APOL2: variants seen among roughly 807,000 people sequenced by gnomAD.
APOL2 encodes the protein apolipoprotein L, 2.
APOL2 carries 8 observed loss-of-function variants against 7.1 expected under a neutral mutation model. The observed-to-expected ratio is 1.12, with a 90% CI of 0.66 to 2.03. APOL2 has a LOEUF of 2.03. APOL2 is among the 30% of genes most tolerant of loss of function. APOL2 has a pLI of 0.00. For synonymous variants in APOL2, 177 were observed against 159.9 expected (o/e 1.11, Z -0.81); for missense variants, 471 against 415.1 (o/e 1.13, Z -1.17).
Position 36,227,795 on chromosome 22 carries a change from G to A in APOL2, c.623C>T (p.Thr208Ile), listed in dbSNP as rs374610829. Residue 208 changes from threonine (T) to isoleucine (I), a missense_variant, in exon 5 of 5, where the codon ACC becomes ATC. By Grantham distance (89) the Thr-to-Ile change is moderately conservative. Transcript: ENST00000358502. ...GACTTGGTACCAATTGTCAACTAAG[G>A]TAAGAACATTGGGTGTGTTCCCACC... ...FVGGNTPNVL[T>I]LVDNWYQVTQ... The A allele has an allele frequency of 5.0e-6, 8 of 1,614,100 alleles. No homozygotes were observed. The African/African-American group carries it at 5.3e-5, about 11-fold the overall frequency.
chr22:36,230,310 G>A (rs764049783), intron 4 of APOL2, among the ~76,000 whole-genome samples: 13 of 152,188 alleles, frequency 8.5e-5, no homozygotes, highest in African/African-American at 1.2e-4. Context: ...AGGTCTGAAA[G>A]GGTAGTCCAG....
chr22:36,236,777 C>T, intron 1 of APOL2: 1 of 1,081,466 alleles, frequency 9.2e-7, no homozygotes, highest in Non-Finnish European at 1.1e-6. Context: ...TCGAGGCATC[C>T]AGATATCTGT....
In APOL2 at chr22:36,226,335, C is replaced by G. The variant is rs1299689616; in HGVS notation, c.*1069G>C. The G allele has an allele frequency of 6.6e-6, 1 of 152,284 alleles. No homozygotes were observed. Among genetic ancestry groups the G allele is most frequent in the East Asian group, 1.9e-4 (1 of 5,200 alleles). 9.4% of individuals were successfully genotyped at this position (152,284 alleles called of 1,614,324 possible). On this transcript the variant is annotated 3_prime_UTR_variant, in exon 5 of 5. Coordinates refer to ENST00000358502, the MANE Select transcript of APOL2 (RefSeq NM_030882.4). ...TTCATGCTAATCTTCTGACTGTTTA[C>G]TTACCGGCTAAGAGCGATGGGACTG...
rs188612895 is a variant in APOL2 at position 36,237,791 on chromosome 22, C to T, written c.-134+1650G>A. Among the ~76,000 whole-genome samples the T allele has an allele frequency of 8.6e-3, 1,314 of 152,224 alleles. 25 individuals are homozygous for T. Among genetic ancestry groups the T allele is most frequent in the African/African-American group, 0.03 (1,253 of 41,520 alleles). Reference sequence around the variant, plus strand: ...CACACAGGCCCTCTGATGCTCTGGACCCCACCTTCCTCACCGCTCCCTGCC... The same window carrying T: ...CACACAGGCCCTCTGATGCTCTGGATCCCACCTTCCTCACCGCTCCCTGCC... On this transcript the variant is annotated intron_variant, in intron 1 of 4. Transcript: ENST00000358502.
chr22:36,237,192 C>T (rs1021176506), intron 1 of APOL2: 22 of 1,479,826 alleles, frequency 1.5e-5, no homozygotes, highest in Middle Eastern at 3.5e-4. Flanking sequence ...TTGACTAGGA[C>T]ACAGTGTGTA....
At chr22:36,236,550 A>C (rs1160070827) in intron 1 of APOL2, 1 of 985,116 alleles carries the variant, frequency 1.0e-6, no homozygotes, top group African/African-American at 1.7e-5. Flanking sequence ...ATTCAGGCCC[A>C]TCCCAGTTAG....
At chr22:36,238,840 C>T (rs1249969414) in intron 1 of APOL2, among the ~76,000 whole-genome samples, 3 of 152,206 alleles carry the variant, frequency 2.0e-5, no homozygotes, top group Non-Finnish European at 4.4e-5. Flanking sequence ...CTATGATCTG[C>T]CTGCTCAGCC....
rs1194105392 is a variant in APOL2, at chr22:36,227,863, G to A, written c.555C>T (p.Asp185=). 1 of 1,614,080 alleles carries A rather than the reference G, an allele frequency of 6.2e-7. No individual in the cohort carries two copies. Among genetic ancestry groups the A allele is most frequent in the East Asian group, 2.2e-5 (1 of 44,900 alleles). Residue 185 remains aspartate (D), a synonymous_variant, in exon 5 of 5, where the codon GAC becomes GAT. Transcript: ENST00000358502. ...CCTTTGCTACATTGGTGCCGCTTTG[G>A]TCCAAGTTGCGGGCTTGGGCTCGTG... ...LRARAQARNL[D]QSGTNVAKVM...
In APOL2 at chr22:36,233,373, C is replaced by G. The variant is rs550561462; in HGVS notation, c.-80+29G>C. The G allele has an allele frequency of 3.9e-6, 6 of 1,557,556 alleles. No individual in the cohort carries two copies. In the South Asian group the frequency reaches 7.0e-5, roughly 18 times the overall value. ...GTCCAGAGTGTTTATCTCCTGGGGC[C>G]CTGCCAGCTAGTATTTACAGAAACT... On this transcript the variant is annotated intron_variant, in intron 2 of 4. Transcript: ENST00000358502.
At position 36,239,106 on chromosome 22, in the gene APOL2, C is replaced by T. The variant is rs921230342; in HGVS notation, c.-134+335G>A. ...CACCTTCTTTGATTCCTTCAAATTT[C>T]CCAAAGAGATGGGCACCCCCAACAC... On this transcript the variant is annotated intron_variant, in intron 1 of 4. Transcript: ENST00000358502. 130 of 1,165,158 alleles carry T rather than the reference C, an allele frequency of 1.1e-4. No individual in the cohort carries two copies. The Middle Eastern group carries it at 2.1e-3, about 19-fold the overall frequency. The allele number at this position is 1,165,158 out of a possible 1,614,324, so 72.2% of individuals were successfully genotyped here. A position where few individuals can be genotyped will look rare whatever the true frequency, so the allele number is the denominator to read the frequency against.
chr22:36,239,545 G>A (rs757627992), upstream of APOL2: 78 of 1,568,120 alleles, frequency 5.0e-5, 1 homozygote, highest in South Asian at 1.6e-4. Flanking sequence ...CACGTCCTCC[G>A]GCCTCCCAGA....
In APOL2 at chr22:36,235,748, G is replaced by GTGT. The variant is rs1569532868; in HGVS notation, c.-133-2294_-133-2293insACA. On this transcript the variant is annotated intron_variant, in intron 1 of 4. Transcript: ENST00000358502. ...GAGCCACCGGGAGGAAGAAAGGGTG[G>GTGT]GTGGGTGGGTGTGTGTGTGTGTGTG... Among the ~76,000 whole-genome samples the GTGT allele has an allele frequency of 6.9e-3, 759 of 110,692 alleles. 6 individuals carry two copies. The highest frequency in any genetic ancestry group is 0.021 in the Middle Eastern group (5 of 242). 72.6% of individuals were successfully genotyped at this position (110,692 alleles called of 152,430 possible). A position where few individuals can be genotyped will look rare whatever the true frequency, so the allele number is the denominator to read the frequency against.
chr22:36,239,155 G>A (rs769077182), intron 1 of APOL2: 1 of 1,225,914 alleles, frequency 8.2e-7, no homozygotes, highest in Non-Finnish European at 1.0e-6. Flanking sequence ...GGGGTCAGCT[G>A]GCCGTGTCTG....
intron 4 of APOL2, among the ~76,000 whole-genome samples, chr22:36,230,279 TTCTCTGTGTAGAAGAGAAGAAGG>T (rs916101891): frequency 6.6e-6 from 1 of 152,148 alleles, no homozygotes; most frequent in African/African-American, 2.4e-5. Flanking sequence ...GGTAAGGAGC[TTCTCTGTGTAGAAGAGAAGAAGG>T]TCTGAAAGGG....
chr22:36,231,190 A>C, intron 4 of APOL2, 150 bp downstream of exon 4: 1 of 980,158 alleles, frequency 1.0e-6, no homozygotes, highest in Non-Finnish European at 1.4e-6. Flanking sequence ...ACATGGAGGA[A>C]ATATTCCTCC....
rs2015086225 is a variant in APOL2, at chr22:36,228,146, TC to T, written c.271del (p.Glu91SerfsTer6). 6.2e-7 allele frequency: 1 copy of T among 1,614,044 alleles called. No homozygotes were observed. Among genetic ancestry groups the T allele is most frequent in the Non-Finnish European group, 8.5e-7 (1 of 1,180,040 alleles). On this transcript the variant is annotated frameshift_variant, in exon 5 of 5. Transcript: ENST00000358502. LOFTEE classifies it low-confidence loss of function (END_TRUNC). Reference sequence around the variant, plus strand: ...GAGCTTCCTTATGTGATCCTCAAGCTCCCTTTTCAACCGAGGAAACTCTTTC... The same window carrying T: ...GAGCTTCCTTATGTGATCCTCAAGCTCCTTTTCAACCGAGGAAACTCTTTC... The part of the protein sequence containing the change: ...FLKEFPRLKR[E>X]LEDHIRKLRA...
Position 36,227,738 on chromosome 22 carries a change from ATGGCACGGATGTTCCTCCCAATCCCT to A in APOL2, c.654_679del (p.Gln218HisfsTer26). On this transcript the variant is annotated frameshift_variant, in exon 5 of 5. Coordinates refer to ENST00000358502, the MANE Select transcript of APOL2 (RefSeq NM_030882.4). LOFTEE classifies it low-confidence loss of function (END_TRUNC). Reference sequence around the variant, plus strand: ...CTGAGGGTTGGCTCTGGCTCGTCTGATGGCACGGATGTTCCTCCCAATCCCTTGTGTGACTTGGTACCAATTGTCAA... The same window carrying A: ...CTGAGGGTTGGCTCTGGCTCGTCTGATGTGTGACTTGGTACCAATTGTCAA... 6.2e-7 allele frequency: 1 copy of A among 1,614,186 alleles called. No individual in the cohort carries two copies. The highest frequency in any genetic ancestry group is 8.5e-7 in the Non-Finnish European group (1 of 1,180,028).
intron 1 of APOL2, among the ~76,000 whole-genome samples, chr22:36,235,455 G>A (rs927859662): frequency 5.3e-5 from 8 of 151,860 alleles, no homozygotes; most frequent in Non-Finnish European, 1.0e-4. Context: ...CATGTCCTCA[G>A]GGAGATTAAA....
In APOL2 at chr22:36,227,129, C is replaced by T. The variant is rs1383773277; in HGVS notation, c.*275G>A. 1 of 310,280 alleles carries T rather than the reference C, an allele frequency of 3.2e-6. No individual in the cohort carries two copies. The highest frequency in any genetic ancestry group is 5.9e-6 in the Non-Finnish European group (1 of 169,260). 19.2% of individuals were successfully genotyped at this position (310,280 alleles called of 1,614,324 possible). On this transcript the variant is annotated 3_prime_UTR_variant, in exon 5 of 5. Transcript: ENST00000358502. ...AGGAGATGGAGACCATCGTGGCTAA[C>T]ACAGTGAAACCCCGTCTCCAGTGAA...
Sources: allele counts gnomAD v4.1 joint callset (sites outside exome capture counted in the v4.1 genomes callset), GRCh38; gene constraint gnomAD v4.1.1; transcripts MANE v1.5; gene names NCBI Gene and HGNC (gene_info 2026-07-23, HGNC 2026-07-21).